ARMH4: variants seen among roughly 807,000 people sequenced by gnomAD.
ARMH4 encodes armadillo-like helical domain-containing protein 4.
ARMH4 carries 49 observed loss-of-function variants against 61.9 expected under a neutral mutation model. That is an observed-to-expected ratio of 0.79 (90% CI 0.63 to 1.00). The LOEUF is 1.00. ARMH4 is among the 50% of genes least tolerant of loss of function. The pLI is 0.00. For missense variants in ARMH4, 934 were observed against 930.0 expected, an observed-to-expected ratio of 1.00 and a Z score of -0.06; for synonymous variants, 368 against 341.5, an observed-to-expected ratio of 1.08 and a Z score of -0.85.
intron 5 of ARMH4, among the ~76,000 whole-genome samples, chr14:58,094,744 T>C (rs2141260836): frequency 6.6e-6 from 1 of 152,256 alleles, no homozygotes; most frequent in East Asian, 1.9e-4. Context: ...CAAACTAATC[T>C]ATAGTGACCA....
At chr14:58,084,017 C>A (rs1252923370) in intron 5 of ARMH4, among the ~76,000 whole-genome samples, 1 of 152,180 alleles carries the variant, frequency 6.6e-6, no homozygotes, top group Admixed American at 6.5e-5. Flanking sequence ...GGTGGCCCAT[C>A]ATAAAGTCAC....
chr14:58,096,966 T>C lies in ARMH4; in HGVS notation c.1847A>G (p.Glu616Gly), dbSNP rs758938973. ...TTCATCTTCTTCATCCTCTTCATCC[T>C]CATCTTCTTGTCCCTCTAGGCAAAA... ...QLESEEGQED[E>G]DEEDEEDEDE... Residue 616 changes from glutamate (E) to glycine (G), a missense_variant, in exon 5 of 8, where the codon GAG becomes GGG. Transcript: ENST00000267485. 1.2e-6 allele frequency: 2 copies of C among 1,613,662 alleles called. No homozygotes were observed. Among genetic ancestry groups the C allele is most frequent in the South Asian group, 2.2e-5 (2 of 91,066 alleles).
chr14:58,087,984 G>A (rs1885434444), intron 5 of ARMH4, among the ~76,000 whole-genome samples: 1 of 152,148 alleles, frequency 6.6e-6, no homozygotes, highest in Non-Finnish European at 1.5e-5. Flanking sequence ...TGGTTCTAAT[G>A]AATTCTGTGT....
intron 1 of ARMH4, among the ~76,000 whole-genome samples, chr14:58,150,004 A>T (rs184601622): frequency 4.2e-4 from 64 of 152,158 alleles, no homozygotes; most frequent in Middle Eastern, 3.4e-3. Flanking sequence ...CAGCTTTATC[A>T]TGTAGACAAT....
At chr14:58,097,581 G>T (rs1023701349) in intron 4 of ARMH4, among the ~76,000 whole-genome samples, 4 of 152,054 alleles carry the variant, frequency 2.6e-5, no homozygotes, top group African/African-American at 9.7e-5. Context: ...AAGGAATTGG[G>T]AAGTGGGATA....
chr14:58,138,369 A>G lies in ARMH4; in HGVS notation c.990T>C (p.Leu330=), dbSNP rs3813406. 10 of 1,614,118 alleles carry G rather than the reference A, an allele frequency of 6.2e-6. No individual in the cohort carries two copies. The East Asian group carries it at 2.2e-4, about 36-fold the overall frequency. Residue 330 remains leucine (L), a synonymous_variant, in exon 2 of 8, where the codon CTT becomes CTC. Coordinates refer to ENST00000267485, the MANE Select transcript of ARMH4 (RefSeq NM_001001872.4). ...TCACCTGAGTCTCTTCATTGTCTCC[A>G]AGCTTGGGGGTCCTTATCCGGCTTA... ...ESVSRIRTPK[L]GDNEETQVRT...
rs769902115 is a variant in ARMH4, at chr14:58,096,817, G to A, written c.1996C>T (p.Pro666Ser). 5 of 1,613,940 alleles carry A rather than the reference G, an allele frequency of 3.1e-6. No homozygotes were observed. The East Asian group carries it at 8.9e-5, about 29-fold the overall frequency. Residue 666 changes from proline (P) to serine (S), a missense_variant, in exon 5 of 8, where the codon CCA becomes TCA. Transcript: ENST00000267485. ...FTLPGITSQE[P>S]GLEEGNMDLL... ...TCCATGTTTCCCTCCTCTAAGCCTG[G>A]TTCCTGGGATGTGATACCAGGGAGG...
chr14:58,027,974 A>C (rs1451842993), intron 5 of ARMH4, among the ~76,000 whole-genome samples: 1 of 152,146 alleles, frequency 6.6e-6, no homozygotes, highest in Non-Finnish European at 1.5e-5. Flanking sequence ...GTCTTGACAG[A>C]CCATTATAGG....
At chr14:58,143,903 AG>A (rs1422137846) in intron 1 of ARMH4, among the ~76,000 whole-genome samples, 23 of 150,322 alleles carry the variant, frequency 1.5e-4, no homozygotes, top group Middle Eastern at 3.4e-3. Context: ...TTTCCTAAGT[AG>A]CTGGGATTAC....
At chr14:58,107,760 T>A (rs1437717908) in intron 4 of ARMH4, among the ~76,000 whole-genome samples, 3 of 63,606 alleles carry the variant, frequency 4.7e-5, no homozygotes, top group South Asian at 5.8e-4. Context: ...CAAGACTCCA[T>A]CTCAAAAAAA....
intron 4 of ARMH4, among the ~76,000 whole-genome samples, chr14:58,102,504 G>A (rs1481359201): frequency 2.6e-5 from 4 of 152,120 alleles, no homozygotes; most frequent in Non-Finnish European, 4.4e-5. Context: ...TAAGTACAAC[G>A]ACAAAAATCC....
intron 4 of ARMH4, among the ~76,000 whole-genome samples, chr14:58,102,893 G>T (rs974256890): frequency 2.6e-5 from 4 of 151,656 alleles, no homozygotes; most frequent in African/African-American, 9.7e-5. Context: ...CAGCACTTTG[G>T]GAGGCCAAGG....
At chr14:58,132,985 G>A (rs1453731974) in intron 3 of ARMH4, 105 bp downstream of exon 3, 3 of 1,223,374 alleles carry the variant, frequency 2.5e-6, no homozygotes, top group Middle Eastern at 1.9e-4. Flanking sequence ...GTGCACGCAC[G>A]CGCGCGCTGA....
chr14:58,082,659 C>T (rs1026842724), intron 5 of ARMH4, among the ~76,000 whole-genome samples: 1 of 152,188 alleles, frequency 6.6e-6, no homozygotes, highest in Non-Finnish European at 1.5e-5. Context: ...CATCCTGCCT[C>T]GCATTACACA....
At chr14:58,151,757 C>A (rs1329929934) in intron 1 of ARMH4, among the ~76,000 whole-genome samples, 1 of 152,246 alleles carries the variant, frequency 6.6e-6, no homozygotes, top group African/African-American at 2.4e-5. Flanking sequence ...GCCAGCCCTG[C>A]AAGCTCCGCC....
At chr14:58,021,938 A>G (rs1882849414) in intron 5 of ARMH4, among the ~76,000 whole-genome samples, 1 of 152,232 alleles carries the variant, frequency 6.6e-6, no homozygotes, top group African/African-American at 2.4e-5. Flanking sequence ...GGCTGCAAGT[A>G]TATTAATACA....
chr14:58,064,946 TGACTTAAGA>T (rs930772615), intron 5 of ARMH4, among the ~76,000 whole-genome samples: 1 of 152,170 alleles, frequency 6.6e-6, no homozygotes, highest in African/African-American at 2.4e-5. Context: ...ACGATGCCAT[TGACTTAAGA>T]GAATCTGGCC....
intron 4 of ARMH4, among the ~76,000 whole-genome samples, chr14:58,097,538 A>G (rs1030729154): frequency 6.6e-6 from 1 of 152,204 alleles, no homozygotes; most frequent in African/African-American, 2.4e-5. Flanking sequence ...AGAAACTGGA[A>G]ATAATTGCAT....
intron 5 of ARMH4, among the ~76,000 whole-genome samples, chr14:58,094,788 G>A (rs1054253857): frequency 1.3e-5 from 2 of 152,216 alleles, no homozygotes; most frequent in Non-Finnish European, 2.9e-5. Flanking sequence ...GAGGACTGGA[G>A]GAGGGATGCA....
Sources: gnomAD v4.1 joint callset for allele counts (sites outside exome capture counted in the v4.1 genomes callset) on GRCh38, gnomAD v4.1.1 for gene constraint, MANE v1.5 for transcripts, NCBI Gene and HGNC (gene_info 2026-07-23, HGNC 2026-07-21) for gene names.